Variants in EXOSC8 observed in about 807,000 individuals in gnomAD.
EXOSC8 encodes the protein exosome complex component RRP43.
EXOSC8 carries 37 observed loss-of-function variants against 39.9 expected under a neutral mutation model. The ratio of observed to expected loss-of-function variants is 0.93; its 90% CI spans 0.71 to 1.22. EXOSC8 has a LOEUF of 1.22. EXOSC8 is among the 50% of genes most tolerant of loss of function. EXOSC8 has a pLI of 0.00. For synonymous variants in EXOSC8, 93 were observed against 109.5 expected, an observed-to-expected ratio of 0.85 and a Z score of 0.94; for missense variants, 313 against 326.6, an observed-to-expected ratio of 0.96 and a Z score of 0.32.
At chr13:37,008,643 C>A in intron 9 of EXOSC8, 86 bp from the exon 10 acceptor site, 3 of 823,322 alleles carry the variant, frequency 3.6e-6, no homozygotes, top group South Asian at 1.6e-5. Context: ...TTAATTCCAG[C>A]TACTTGGGAG....
intron 7 of EXOSC8, among the ~76,000 whole-genome samples, 169 bp downstream of exon 7, chr13:37,006,329 A>G (rs1210547584): frequency 6.6e-6 from 1 of 152,182 alleles, no homozygotes; most frequent in East Asian, 1.9e-4. Context: ...TCTCTAAATG[A>G]ACCATATTGT....
In EXOSC8 at chr13:37,002,489, AAG is replaced by A. The variant is rs749835724; in HGVS notation, c.60_61del (p.Asn21LeufsTer4). 1.2e-5 allele frequency: 19 copies of A among 1,561,158 alleles called. No homozygotes were observed. The highest frequency in any genetic ancestry group is 1.5e-5 in the Non-Finnish European group (17 of 1,148,186). ...TTTTATATAAACATATTTATTTAGA[AAG>A]AGAACTGCCGTCCTGATGGAAGAGA... On this transcript the variant is annotated frameshift_variant and splice_region_variant, in exon 3 of 11. Coordinates refer to ENST00000389704, the MANE Select transcript of EXOSC8 (RefSeq NM_181503.3). LOFTEE classifies it high-confidence loss of function.
chr13:37,009,370 CTAAA>C lies in EXOSC8; in HGVS notation c.*78_*81del, dbSNP rs1248649164. The stretch of plus-strand genomic sequence containing the variant: ...TAACACTGTGCACAAACGTTTTATA[CTAAA>C]TAAATATCAAACTACATTCTTCTGA... On this transcript the variant is annotated 3_prime_UTR_variant, in exon 11 of 11. Coordinates refer to ENST00000389704, the MANE Select transcript of EXOSC8 (RefSeq NM_181503.3). 3.5e-6 allele frequency: 3 copies of C among 854,028 alleles called. No homozygotes were observed. The highest frequency in any genetic ancestry group is 5.2e-5 in the East Asian group (2 of 38,448). 52.9% of individuals were successfully genotyped at this position (854,028 alleles called of 1,614,324 possible).
At chr13:37,003,637 G>A (rs549594628) in intron 4 of EXOSC8, 1 of 152,432 alleles carries the variant, frequency 6.6e-6, no homozygotes, top group South Asian at 2.1e-4. Flanking sequence ...CGTAAACCTG[G>A]AGTGATGTAT....
intron 1 of EXOSC8, 99 bp downstream of exon 1, chr13:37,000,921 T>C: frequency 1.5e-6 from 2 of 1,362,930 alleles, no homozygotes; most frequent in African/African-American, 1.5e-5. Context: ...GCCGACCCCG[T>C]TGGGGTGCCA....
intron 9 of EXOSC8, 27 bp from the exon 10 acceptor site, chr13:37,008,699 TTGA>T: frequency 7.2e-7 from 1 of 1,386,896 alleles, no homozygotes; most frequent in Non-Finnish European, 1.0e-6. Flanking sequence ...GTTCCATGGA[TTGA>T]TAACTTATAT....
At chr13:37,004,633 G>T in intron 5 of EXOSC8, 72 bp downstream of exon 5, 1 of 938,460 alleles carries the variant, frequency 1.1e-6, no homozygotes, top group Admixed American at 2.3e-5. Context: ...TTAAGTCCTA[G>T]TTAAGTTGAT....
At chr13:37,000,846 A>T (rs757893068) in intron 1 of EXOSC8, 24 bp downstream of exon 1, 1 of 1,555,196 alleles carries the variant, frequency 6.4e-7, no homozygotes, top group Non-Finnish European at 8.7e-7. Context: ...GGTGGCGGGT[A>T]GAGTTCTGTA....
In EXOSC8 at chr13:37,008,822, T is replaced by C; in HGVS notation, c.702T>C (p.Cys234=). 6.2e-7 allele frequency: 1 copy of C among 1,603,300 alleles called. No homozygotes were observed. Among genetic ancestry groups the C allele is most frequent in the Non-Finnish European group, 8.5e-7 (1 of 1,171,852 alleles). The change falls in exon 10 of 11, where the codon TGT becomes TGC. Residue 234 remains cysteine (C), a synonymous_variant. Coordinates refer to ENST00000389704, the MANE Select transcript of EXOSC8 (RefSeq NM_181503.3). The part of the protein sequence containing the change: ...IVMDEEGKLC[C]LHKPGGSGLT... ...TGGATGAGGAAGGCAAACTCTGTTG[T>C]CTTCACAAACCAGGCATGTTCCCGC...
At position 37,002,909 on chromosome 13, in the gene EXOSC8, C is replaced by A. The variant is rs114554307; in HGVS notation, c.119-25C>A. Reference sequence around the variant, plus strand: ...TTTGTAGCTGTTTTCCTTTTATGAACCTTTCATTTTGCTTATCTTTTCAGG... The same window carrying A: ...TTTGTAGCTGTTTTCCTTTTATGAAACTTTCATTTTGCTTATCTTTTCAGG... On this transcript the variant is annotated intron_variant, in intron 3 of 10. Transcript: ENST00000389704. The A allele has an allele frequency of 7.0e-4, 1,078 of 1,534,470 alleles. 9 individuals are homozygous for A. In the African/African-American group the frequency reaches 0.013, roughly 19 times the overall value.
At chr13:37,008,410 AT>A (rs1198108112) in intron 9 of EXOSC8, among the ~76,000 whole-genome samples, 9 of 152,190 alleles carry the variant, frequency 5.9e-5, no homozygotes, top group Non-Finnish European at 1.0e-4. Flanking sequence ...TCACTATAAG[AT>A]TTATCTGAAG....
intron 4 of EXOSC8, chr13:37,003,863 AG>A (rs2059121487): frequency 6.6e-6 from 1 of 151,720 alleles, no homozygotes; most frequent in Admixed American, 6.6e-5. Context: ...TAGTAATTGC[AG>A]AGCATTTGCT....
In EXOSC8 at chr13:37,000,810, C is replaced by G. The variant is rs606231285; in HGVS notation, c.5C>G (p.Ala2Gly). Residue 2 changes from alanine to glycine, a missense_variant, in exon 1 of 11, where the codon GCG becomes GGG. Ala to Gly is a moderately conservative substitution (Grantham distance 60). Transcript: ENST00000389704. M[A>G]AGFKTVEPLE... is the part of the protein sequence containing the mutation. Reference sequence around the variant, plus strand: ...CGCAGACGCGCGGGCGGGAAGATGGCGGCTGGGTTCAAGTGAGTGTTGGCG... The same window carrying G: ...CGCAGACGCGCGGGCGGGAAGATGGGGGCTGGGTTCAAGTGAGTGTTGGCG... The G allele has an allele frequency of 6.3e-7, 1 of 1,581,232 alleles. No individual in the cohort carries two copies. Among genetic ancestry groups the G allele is most frequent in the Non-Finnish European group, 8.6e-7 (1 of 1,164,128 alleles).
intron 7 of EXOSC8, among the ~76,000 whole-genome samples, chr13:37,006,415 CT>C (rs1190369081): frequency 6.6e-6 from 1 of 152,104 alleles, no homozygotes; most frequent in Admixed American, 6.5e-5. Context: ...TTTTTTCCCC[CT>C]TAACTTTTAA....
At chr13:37,000,900 C>G (rs1472898234) in intron 1 of EXOSC8, 78 bp downstream of exon 1, 5 of 1,429,598 alleles carry the variant, frequency 3.5e-6, no homozygotes, top group Non-Finnish European at 4.6e-6. Context: ...CTGGGATTCT[C>G]TCACCTGGAG....
chr13:37,008,866 A>G (rs776061246), intron 10 of EXOSC8, 31 bp downstream of exon 10: 1 of 1,385,142 alleles, frequency 7.2e-7, no homozygotes, highest in Admixed American at 1.7e-5. Context: ...TCCTAAACAT[A>G]TGTAGATGAA....
chr13:37,004,371 T>C (rs2059125142), intron 4 of EXOSC8, 145 bp from the exon 5 acceptor site: 2 of 613,920 alleles, frequency 3.3e-6, no homozygotes, highest in Non-Finnish European at 5.8e-6. Flanking sequence ...AGAGCTATTG[T>C]GAGGATCAGC....
chr13:37,005,885 A>AG (rs770861941), intron 5 of EXOSC8, 35 bp from the exon 6 acceptor site: 1 of 785,296 alleles, frequency 1.3e-6, no homozygotes, highest in Non-Finnish European at 2.1e-6. Context: ...AAAAAAAAAA[A>AG]GGTTTAGTTC....
At chr13:37,001,386 GCGA>G (rs1196332548) in intron 1 of EXOSC8, 1 of 152,440 alleles carries the variant, frequency 6.6e-6, no homozygotes, top group Non-Finnish European at 1.5e-5. Flanking sequence ...TCCAGCCTGG[GCGA>G]CAGAGTGAGA....
Sources: gnomAD v4.1 joint callset for allele counts (sites outside exome capture counted in the v4.1 genomes callset) on GRCh38, gnomAD v4.1.1 for gene constraint, MANE v1.5 for transcripts, NCBI Gene and HGNC (gene_info 2026-07-23, HGNC 2026-07-21) for gene names.